Variants in ZNF804A observed in about 807,000 individuals in gnomAD.
ZNF804A encodes zinc finger protein 804A.
In ZNF804A, 2 loss-of-function variants were observed where a neutral mutation model predicts 16.5. That is an observed-to-expected ratio of 0.12 (90% CI 0.05 to 0.38). ZNF804A has a LOEUF of 0.38. Among genes scored for constraint, ZNF804A ranks in the 10% least tolerant of loss-of-function variants. The pLI is 0.99. For missense variants in ZNF804A, 1,473 were observed against 1,390.7 expected, an observed-to-expected ratio of 1.06 and a Z score of -0.94; for synonymous variants, 534 against 489.6, an observed-to-expected ratio of 1.09 and a Z score of -1.20.
intron 1 of ZNF804A, among the ~76,000 whole-genome samples, chr2:184,698,082 A>T (rs1403351566): frequency 1.3e-5 from 2 of 152,086 alleles, no homozygotes; most frequent in African/African-American, 4.8e-5. Context: ...TTCAGTCTTT[A>T]TGTGAGGAAT....
intron 1 of ZNF804A, among the ~76,000 whole-genome samples, chr2:184,727,897 A>G (rs1246551815): frequency 3.3e-5 from 5 of 151,752 alleles, no homozygotes; most frequent in Non-Finnish European, 5.9e-5. Context: ...CATTTTGCAA[A>G]TTAAACTCAG....
At chr2:184,755,020 C>A (rs1178450848) in intron 1 of ZNF804A, among the ~76,000 whole-genome samples, 1 of 151,708 alleles carries the variant, frequency 6.6e-6, no homozygotes, top group Non-Finnish European at 1.5e-5. Flanking sequence ...TAGGTCCCAC[C>A]CCACATACAT....
intron 3 of ZNF804A, 60 bp downstream of exon 3, chr2:184,933,793 G>C: frequency 6.5e-7 from 1 of 1,528,922 alleles, no homozygotes; most frequent in Non-Finnish European, 8.8e-7. Flanking sequence ...GGGTATAGGG[G>C]GAGTCAGAAA....
chr2:184,840,980 G>A (rs976015175), intron 1 of ZNF804A, among the ~76,000 whole-genome samples: 4 of 152,106 alleles, frequency 2.6e-5, no homozygotes, highest in Non-Finnish European at 5.9e-5. Flanking sequence ...AATGCTGCAA[G>A]CGAACAATGG....
intron 1 of ZNF804A, among the ~76,000 whole-genome samples, chr2:184,689,974 AC>A (rs1692703973): frequency 6.6e-6 from 1 of 151,974 alleles, no homozygotes; most frequent in Admixed American, 6.6e-5. Context: ...AATACCTTAG[AC>A]TTTTATGGAA....
At chr2:184,777,808 A>G (rs1160512469) in intron 1 of ZNF804A, among the ~76,000 whole-genome samples, 1 of 151,380 alleles carries the variant, frequency 6.6e-6, no homozygotes, top group African/African-American at 2.4e-5. Context: ...CTTTTTATCT[A>G]TTCTTTTTCC....
rs772790647 is a variant in ZNF804A, at chr2:184,937,209, C to T, written c.1813C>T (p.His605Tyr). Reference protein sequence around the residue: ...RKKKRKKLCQHHHMEKTKESE... With the variant: ...RKKKRKKLCQYHHMEKTKESE... ...GAAAAAAAGAAAAAAGTTATGTCAG[C>T]ATCATCATATGGAGAAAACCAAAGA... Residue 605 changes from histidine (H) to tyrosine (Y), a missense_variant, in exon 4 of 4, where the codon CAT becomes TAT. His to Tyr is a moderately conservative substitution (Grantham distance 83). Coordinates refer to ENST00000302277, the MANE Select transcript of ZNF804A (RefSeq NM_194250.2). 47 of 1,603,848 alleles carry T rather than the reference C, an allele frequency of 2.9e-5. No homozygotes were observed. Among genetic ancestry groups the T allele is most frequent in the Non-Finnish European group, 3.9e-5 (46 of 1,177,630 alleles).
intron 1 of ZNF804A, among the ~76,000 whole-genome samples, chr2:184,708,816 G>C (rs763244188): frequency 2.0e-5 from 3 of 151,982 alleles, no homozygotes; most frequent in Non-Finnish European, 4.4e-5. Context: ...ACCACCTCAG[G>C]CTTTCTTCCT....
intron 1 of ZNF804A, among the ~76,000 whole-genome samples, chr2:184,683,178 G>T (rs1692569962): frequency 6.6e-6 from 1 of 152,048 alleles, no homozygotes; most frequent in Non-Finnish European, 1.5e-5. Flanking sequence ...CAGGTGTTGT[G>T]TGCTAGGTAT....
chr2:184,854,320 T>A (rs1243986742), intron 1 of ZNF804A, among the ~76,000 whole-genome samples: 1 of 151,980 alleles, frequency 6.6e-6, no homozygotes, highest in Non-Finnish European at 1.5e-5. Flanking sequence ...TCCAGCTTCT[T>A]GCAGCTGTGA....
chr2:184,661,166 G>T (rs149260123), intron 1 of ZNF804A, among the ~76,000 whole-genome samples: 1 of 152,148 alleles, frequency 6.6e-6, no homozygotes, highest in Non-Finnish European at 1.5e-5. Flanking sequence ...AGGGAATGGC[G>T]TCCAGTGGCT....
chr2:184,767,789 A>T (rs1694152956), intron 1 of ZNF804A, among the ~76,000 whole-genome samples: 1 of 152,160 alleles, frequency 6.6e-6, no homozygotes, highest in Non-Finnish European at 1.5e-5. Context: ...CTACCTTCTT[A>T]AAAAGTTCAA....
rs189575584 is a variant in ZNF804A, at chr2:184,715,069, G to C, written c.111+115999G>C. ...AGAACTTAAATACCCTGTGTCCCACGAGAGTAGCCTAAGGAAAATCTTGGA... is the reference window on the plus strand; with the variant it reads ...AGAACTTAAATACCCTGTGTCCCACCAGAGTAGCCTAAGGAAAATCTTGGA... On this transcript the variant is annotated intron_variant, in intron 1 of 3. Coordinates refer to ENST00000302277, the MANE Select transcript of ZNF804A (RefSeq NM_194250.2). Among the ~76,000 whole-genome samples the C allele has an allele frequency of 7.2e-5, 11 of 152,256 alleles. No individual in the cohort carries two copies. In the East Asian group the frequency reaches 2.1e-3, roughly 29 times the overall value.
intron 1 of ZNF804A, among the ~76,000 whole-genome samples, chr2:184,749,191 G>C (rs1470046074): frequency 6.6e-6 from 1 of 151,306 alleles, no homozygotes; most frequent in East Asian, 1.9e-4. Flanking sequence ...TAATGATATT[G>C]ATTCTCCAAT....
intron 1 of ZNF804A, among the ~76,000 whole-genome samples, chr2:184,725,022 G>GAATACATACAGTTATTCCT (rs1693384292): frequency 6.6e-6 from 1 of 151,642 alleles, no homozygotes; most frequent in Non-Finnish European, 1.5e-5. Context: ...TATTCCTAGG[G>GAATACATACAGTTATTCCT]ATTTATAATT....
intron 1 of ZNF804A, among the ~76,000 whole-genome samples, chr2:184,813,119 C>T (rs7599271): frequency 0.04 from 6,067 of 151,964 alleles, 385 homozygotes; most frequent in African/African-American, 0.13. Context: ...AGTCACATTA[C>T]TGTTGAATTT....
rs1299786810 is a variant in ZNF804A at position 184,622,052 on chromosome 2, G to A, written c.111+22982G>A. Among the ~76,000 whole-genome samples, 6 of 151,562 alleles carry A rather than the reference G, an allele frequency of 4.0e-5. No individual in the cohort carries two copies. In the East Asian group the frequency reaches 5.8e-4, roughly 15 times the overall value. On this transcript the variant is annotated intron_variant, in intron 1 of 3. Coordinates refer to ENST00000302277, the MANE Select transcript of ZNF804A (RefSeq NM_194250.2). The stretch of plus-strand genomic sequence containing the variant: ...CATTTTATTTGTATTTTATCCTAAC[G>A]GAACGCTATTTGGAAAGTACTCTGA...
chr2:184,712,885 G>A (rs1252840182), intron 1 of ZNF804A, among the ~76,000 whole-genome samples: 1 of 151,464 alleles, frequency 6.6e-6, no homozygotes, highest in Admixed American at 6.6e-5. Flanking sequence ...GCCCTTTGTT[G>A]ATATCCTTGA....
intron 1 of ZNF804A, among the ~76,000 whole-genome samples, chr2:184,628,656 T>TA (rs918836662): frequency 5.3e-5 from 8 of 152,058 alleles, no homozygotes; most frequent in Admixed American, 2.6e-4. Context: ...TCCTTTTTTT[T>TA]AAAAAAATAC....
Sources: gnomAD v4.1 joint callset for allele counts (sites outside exome capture counted in the v4.1 genomes callset) on GRCh38, gnomAD v4.1.1 for gene constraint, MANE v1.5 for transcripts, NCBI Gene and HGNC (gene_info 2026-07-23, HGNC 2026-07-21) for gene names.